The following GRM7 variants were observed in gnomAD, a reference collection of about 807,000 sequenced individuals.
GRM7 encodes glutamate metabotropic receptor 7, also known as metabotropic glutamate receptor 7.
GRM7 carries 35 observed loss-of-function variants against 84.5 expected under a neutral mutation model. The ratio of observed to expected loss-of-function variants is 0.41; its 90% CI spans 0.32 to 0.55. GRM7 has a LOEUF of 0.55. Among genes scored for constraint, GRM7 ranks in the 20% least tolerant of loss-of-function variants. The pLI is 0.19. For missense variants in GRM7, 1,003 were observed against 1,194.6 expected, an observed-to-expected ratio of 0.84 and a Z score of 2.36; for synonymous variants, 487 against 455.1, an observed-to-expected ratio of 1.07 and a Z score of -0.89.
chr3:7,066,355 C>G lies in GRM7; in HGVS notation c.520-80097C>G, dbSNP rs546186802. Reference sequence around the variant, plus strand: ...GAAACAGGAGATATTACAACTGACACCACTGAAATACAAAAGCTCATTCAA... The same window carrying G: ...GAAACAGGAGATATTACAACTGACAGCACTGAAATACAAAAGCTCATTCAA... On this transcript the variant is annotated intron_variant, in intron 1 of 9. Coordinates refer to ENST00000357716, the MANE Select transcript of GRM7 (RefSeq NM_000844.4). Among the ~76,000 whole-genome samples the G allele has an allele frequency of 5.9e-5, 9 of 151,950 alleles. No individual in the cohort carries two copies. The East Asian group carries it at 1.7e-3, about 29-fold the overall frequency.
At chr3:7,011,664 C>T (rs1365592691) in intron 1 of GRM7, among the ~76,000 whole-genome samples, 4 of 152,150 alleles carry the variant, frequency 2.6e-5, no homozygotes, top group African/African-American at 7.2e-5. Flanking sequence ...CATTTAATAA[C>T]ACCAAGAACT....
intron 8 of GRM7, among the ~76,000 whole-genome samples, chr3:7,677,337 A>G (rs1317747149): frequency 1.3e-5 from 2 of 151,806 alleles, no homozygotes; most frequent in Non-Finnish European, 2.9e-5. Context: ...GCCCTACACT[A>G]AACACTTTAC....
At chr3:7,373,857 G>C (rs1218885482) in intron 4 of GRM7, among the ~76,000 whole-genome samples, 2 of 152,216 alleles carry the variant, frequency 1.3e-5, no homozygotes, top group African/African-American at 4.8e-5. Context: ...GCCATGTGTA[G>C]CTATCAAACC....
chr3:6,976,386 A>T (rs1221120201), intron 1 of GRM7, among the ~76,000 whole-genome samples: 2 of 152,126 alleles, frequency 1.3e-5, no homozygotes, highest in Non-Finnish European at 2.9e-5. Context: ...GAAATCAGAC[A>T]CCCATGTGAA....
chr3:7,038,957 C>T (rs573698058), intron 1 of GRM7, among the ~76,000 whole-genome samples: 7 of 152,100 alleles, frequency 4.6e-5, no homozygotes, highest in Non-Finnish European at 8.8e-5. Context: ...CTCCTGGAAA[C>T]TACATATGCA....
intron 2 of GRM7, among the ~76,000 whole-genome samples, chr3:7,217,105 A>C (rs1329816718): frequency 6.6e-6 from 1 of 152,210 alleles, no homozygotes; most frequent in Admixed American, 6.5e-5. Flanking sequence ...AATAAGCAAA[A>C]AAGACAAAAT....
chr3:7,393,726 C>T (rs1440691021), intron 4 of GRM7, among the ~76,000 whole-genome samples: 1 of 152,188 alleles, frequency 6.6e-6, no homozygotes, highest in Non-Finnish European at 1.5e-5. Context: ...CAATAAATTT[C>T]ATCTCATTTA....
chr3:7,167,937 CTAGT>C (rs1694854989), intron 2 of GRM7, among the ~76,000 whole-genome samples: 1 of 132,624 alleles, frequency 7.5e-6, no homozygotes, highest in African/African-American at 2.8e-5. Flanking sequence ...CCACTGCACT[CTAGT>C]CTAGCCTGGG....
intron 1 of GRM7, among the ~76,000 whole-genome samples, chr3:7,021,144 A>G (rs1695760781): frequency 6.6e-6 from 1 of 152,158 alleles, no homozygotes; most frequent in Non-Finnish European, 1.5e-5. Flanking sequence ...CCAGCAAATG[A>G]TGCCCCTTAA....
chr3:7,253,012 TAAAAAAAAAAAAA>T (rs539835390), intron 2 of GRM7, among the ~76,000 whole-genome samples: 3 of 70,808 alleles, frequency 4.2e-5, no homozygotes, highest in Non-Finnish European at 7.3e-5. Flanking sequence ...TGGCTTTTCT[TAAAAAAAAAAAAA>T]AAAAAAAAAA....
At chr3:7,292,420 A>C (rs533473266) in intron 2 of GRM7, among the ~76,000 whole-genome samples, 33 of 152,204 alleles carry the variant, frequency 2.2e-4, no homozygotes, top group Non-Finnish European at 4.4e-4. Flanking sequence ...AAGTATTGAA[A>C]GATGAAAACC....
intron 1 of GRM7, among the ~76,000 whole-genome samples, chr3:6,981,818 GA>G (rs928963769): frequency 4.6e-5 from 7 of 151,120 alleles, no homozygotes; most frequent in Non-Finnish European, 7.4e-5. Context: ...GAGGCTGTAG[GA>G]AAAAAAATAA....
intron 1 of GRM7, among the ~76,000 whole-genome samples, chr3:6,996,344 G>C (rs1266677021): frequency 6.6e-6 from 1 of 152,060 alleles, no homozygotes; most frequent in Admixed American, 6.5e-5. Context: ...CACCATGCCT[G>C]GCCTAATTCT....
At chr3:6,942,045 G>A (rs1221003825) in intron 1 of GRM7, among the ~76,000 whole-genome samples, 3 of 152,152 alleles carry the variant, frequency 2.0e-5, no homozygotes, top group Non-Finnish European at 4.4e-5. Context: ...TAATATTGAA[G>A]GGTAAATCCA....
At chr3:7,548,251 C>T (rs1045210723) in intron 7 of GRM7, among the ~76,000 whole-genome samples, 1 of 152,190 alleles carries the variant, frequency 6.6e-6, no homozygotes, top group African/African-American at 2.4e-5. Context: ...CCCATGAGAG[C>T]TGGTTGTTAA....
chr3:7,087,252 C>T (rs370147499), intron 1 of GRM7, among the ~76,000 whole-genome samples: 102 of 152,234 alleles, frequency 6.7e-4, no homozygotes, highest in African/African-American at 2.3e-3. Context: ...TTGTGGAACA[C>T]GTCACTCCCC....
chr3:7,218,594 A>G (rs946146504), intron 2 of GRM7, among the ~76,000 whole-genome samples: 2 of 152,022 alleles, frequency 1.3e-5, no homozygotes, highest in Admixed American at 6.5e-5. Context: ...AAATATTTCA[A>G]TTTCTACCCA....
At chr3:7,185,953 C>G (rs1455507880) in intron 2 of GRM7, among the ~76,000 whole-genome samples, 1 of 152,196 alleles carries the variant, frequency 6.6e-6, no homozygotes, top group East Asian at 1.9e-4. Context: ...CCTGCTTTCT[C>G]TAAGCCATCT....
chr3:6,922,153 C>T (rs1356664504), intron 1 of GRM7, among the ~76,000 whole-genome samples: 1 of 152,168 alleles, frequency 6.6e-6, no homozygotes. Context: ...AGAAGCTAAG[C>T]GACATCCTCA....
Sources: gnomAD v4.1 joint callset for allele counts (sites outside exome capture counted in the v4.1 genomes callset) on GRCh38, gnomAD v4.1.1 for gene constraint, MANE v1.5 for transcripts, NCBI Gene and HGNC (gene_info 2026-07-23, HGNC 2026-07-21) for gene names.